DMBT1: variants seen among roughly 807,000 people sequenced by gnomAD.
DMBT1 encodes the protein deleted in malignant brain tumors 1.
Under a neutral mutation model 252.9 loss-of-function variants are expected in DMBT1, and 198 were observed. The observed-to-expected ratio is 0.78, with a 90% CI of 0.70 to 0.88. The LOEUF (loss-of-function observed/expected upper bound fraction) is 0.88, where lower values mean the gene tolerates loss of function less well. DMBT1 is among the 40% of genes least tolerant of loss of function. The probability of loss-of-function intolerance (pLI) is 0.00; values close to 1 mark genes in which losing one functional copy is unlikely to be tolerated. For missense variants in DMBT1, 2,432 were observed against 2,404.7 expected (o/e 1.01, Z -0.24); for synonymous variants, 990 against 942.7 (o/e 1.05, Z -0.92).
chr10:122,566,041 T>C, intron 2 of DMBT1, 45 bp downstream of exon 2: 1 of 1,605,490 alleles, frequency 6.2e-7, no homozygotes, highest in East Asian at 2.2e-5. Flanking sequence ...GGTTGGCCAG[T>C]TCTCCTCTGC....
chr10:122,600,886 G>A (rs982775788), intron 27 of DMBT1, 105 bp from the exon 28 acceptor site: 2 of 642,800 alleles, frequency 3.1e-6, no homozygotes, highest in Non-Finnish European at 5.6e-6. Context: ...GCAGGAACAG[G>A]AAGTGGAATT....
intron 24 of DMBT1, among the ~76,000 whole-genome samples, chr10:122,597,730 C>T (rs1431551163): frequency 6.6e-6 from 1 of 152,154 alleles, no homozygotes; most frequent in African/African-American, 2.4e-5. Context: ...CAGGCTAACC[C>T]TTTGTGACTG....
intron 8 of DMBT1, 42 bp from the exon 9 acceptor site, chr10:122,578,676 T>G (rs1425233406): frequency 1.3e-6 from 2 of 1,567,322 alleles, no homozygotes; most frequent in Admixed American, 3.6e-5. Context: ...CCTTTTTCCC[T>G]TCAAGTCCAA....
At position 122,618,194 on chromosome 10, in the gene DMBT1, A is replaced by T; in HGVS notation, c.5069A>T (p.Asn1690Ile). 6.2e-7 allele frequency: 1 copy of T among 1,613,880 alleles called. No individual in the cohort carries two copies. The highest frequency in any genetic ancestry group is 8.5e-7 in the Non-Finnish European group (1 of 1,179,830). ...GCGWAMSAPG[N>I]AQFGQGSGPI... is the part of the protein sequence containing the mutation. ...GGCTGGGCCATGTCAGCCCCAGGAA[A>T]TGCCCAGTTTGGCCAGGGCTCAGGA... The change falls in exon 41 of 56, where the codon AAT becomes ATT. Residue 1690 changes from asparagine to isoleucine, a missense_variant. Asn to Ile is a moderately radical substitution (Grantham distance 149). Coordinates refer to ENST00000338354, the MANE Select transcript of DMBT1 (RefSeq NM_001377530.1).
Position 122,640,334 on chromosome 10 carries a change from GT to G in DMBT1, c.7239del (p.Gln2414ArgfsTer11). 6.2e-7 allele frequency: 1 copy of G among 1,614,032 alleles called. No individual in the cohort carries two copies. Among genetic ancestry groups the G allele is most frequent in the Non-Finnish European group, 8.5e-7 (1 of 1,179,908 alleles). ...YYVDLNQDLY[V>X]QAEILHSDAV... ...CGTGGACCTGAACCAGGACTTGTAC[GT>G]TCAGGCTGAAATCCTCCATTCTGAT... On this transcript the variant is annotated frameshift_variant, in exon 55 of 56. Transcript: ENST00000338354. LOFTEE classifies it high-confidence loss of function.
intron 55 of DMBT1, among the ~76,000 whole-genome samples, chr10:122,642,854 A>C (rs1844810207): frequency 6.6e-6 from 1 of 152,128 alleles, no homozygotes. Context: ...GCCTCAACCC[A>C]CTGTGCAGTA....
rs201051943 is a variant in DMBT1 at position 122,629,842 on chromosome 10, C to A, written c.5671C>A (p.Pro1891Thr). ...GATGTCCCCTCTCTCCTCTCTAGGA[C>A]CCTCTTCAAATTGTGGTGGCTTCTT... ...WHPTTTTTAR[P>T]SSNCGGFLFY... The change falls in exon 47 of 56, where the codon CCC (proline) becomes ACC (threonine). Residue 1891 changes from proline (P) to threonine (T), a missense_variant and splice_region_variant. By Grantham distance (38) the Pro-to-Thr change is conservative (BLOSUM62 -1). Transcript: ENST00000338354. 6.2e-7 allele frequency: 1 copy of A among 1,613,862 alleles called. No homozygotes were observed. Among genetic ancestry groups the A allele is most frequent in the South Asian group, 1.1e-5 (1 of 91,066 alleles).
intron 44 of DMBT1, among the ~76,000 whole-genome samples, chr10:122,622,218 A>C (rs568270285): frequency 6.6e-6 from 1 of 152,324 alleles, no homozygotes; most frequent in African/African-American, 2.4e-5. Flanking sequence ...AAGCACTAGC[A>C]TTCAGCAGGT....
At chr10:122,634,125 G>A (rs570896049) in intron 52 of DMBT1, among the ~76,000 whole-genome samples, 10 of 152,230 alleles carry the variant, frequency 6.6e-5, no homozygotes, top group Admixed American at 2.6e-4. Flanking sequence ...GGAACAAAAC[G>A]AGACCCTGTC....
Position 122,643,344 on chromosome 10 carries a change from C to T in DMBT1, c.7575C>T (p.Val2525=), listed in dbSNP as rs1166546103. 1.2e-6 allele frequency: 2 copies of T among 1,613,830 alleles called. No individual in the cohort carries two copies. The highest frequency in any genetic ancestry group is 8.5e-7 in the Non-Finnish European group (1 of 1,179,892). The stretch of plus-strand genomic sequence containing the variant: ...CCTACCAGGAAAAGGTGGACGTCGT[C>T]CTGGGTCCCATCCAGCTGCAGACCC... ...VGSYQEKVDV[V]LGPIQLQTPP... Residue 2525 remains valine (V), a synonymous_variant, in exon 56 of 56, where the codon GTC becomes GTT. Transcript: ENST00000338354.
At position 122,633,311 on chromosome 10, in the gene DMBT1, A is replaced by G; in HGVS notation, c.6518A>G (p.Tyr2173Cys). The change falls in exon 52 of 56, where the codon TAC (tyrosine) becomes TGC (cysteine). Residue 2173 changes from tyrosine to cysteine, a missense_variant. Physicochemically the swap from Tyr to Cys is radical, Grantham distance 194 (BLOSUM62 -2). Around this residue, in one of 3 missense-constraint regions of DMBT1, gnomAD observed 1,162 missense variants for 1,169.0 expected, o/e 0.99. Coordinates refer to ENST00000338354, the MANE Select transcript of DMBT1 (RefSeq NM_001377530.1). ...TGGGACATTGAGGTGCAAAACAACT[A>G]CCGTGTGACTGTGATCTTCAGAGAT... ...CVWDIEVQNNYRVTVIFRDVQ... is the reference protein window; with the variant it reads ...CVWDIEVQNNCRVTVIFRDVQ... 1 of 1,613,966 alleles carries G rather than the reference A, an allele frequency of 6.2e-7. No individual in the cohort carries two copies.
At chr10:122,619,813 C>T (rs1253099598) in intron 42 of DMBT1, among the ~76,000 whole-genome samples, 1 of 152,240 alleles carries the variant, frequency 6.6e-6, no homozygotes, top group Non-Finnish European at 1.5e-5. Context: ...GCCATATCTG[C>T]ATCCAGAAAA....
intron 45 of DMBT1, 49 bp from the exon 46 acceptor site, chr10:122,625,884 T>G (rs746659631): frequency 2.2e-5 from 33 of 1,489,710 alleles, no homozygotes; most frequent in Non-Finnish European, 2.7e-5. Context: ...TACTATGGAA[T>G]GGAAAAATTA....
At chr10:122,641,555 C>T (rs1844535616) in intron 55 of DMBT1, among the ~76,000 whole-genome samples, 1 of 152,184 alleles carries the variant, frequency 6.6e-6, no homozygotes. Context: ...ATGCAGCTTG[C>T]TCAATTCACA....
intron 20 of DMBT1, among the ~76,000 whole-genome samples, chr10:122,593,103 G>A (rs142792061): frequency 0.018 from 2,617 of 148,994 alleles, 256 homozygotes; most frequent in Middle Eastern, 0.041. Flanking sequence ...GTTGTGTGAG[G>A]TTGGAGTCCT....
chr10:122,599,696 C>A (rs1384836334), intron 26 of DMBT1, among the ~76,000 whole-genome samples: 1 of 152,200 alleles, frequency 6.6e-6, no homozygotes, highest in African/African-American at 2.4e-5. Flanking sequence ...GCCGGCCAGG[C>A]ATGGCCTTGT....
chr10:122,584,422 A>C (rs1271029357), intron 14 of DMBT1, 71 bp downstream of exon 14: 1 of 317,578 alleles, frequency 3.1e-6, no homozygotes, highest in African/African-American at 2.2e-5. Flanking sequence ...TGCACTCCAC[A>C]GAGCCCTCGT....
At chr10:122,565,274 G>A (rs1413408610) in intron 1 of DMBT1, among the ~76,000 whole-genome samples, 4 of 152,042 alleles carry the variant, frequency 2.6e-5, no homozygotes, top group Non-Finnish European at 5.9e-5. Context: ...AGGATCTAAT[G>A]GATCCATATG....
chr10:122,631,063 C>A lies in DMBT1; in HGVS notation c.6128C>A (p.Ser2043Tyr), dbSNP rs960655197. The part of the protein sequence containing the change: ...GGTWGTVCDD[S>Y]WTIQEAEVVC... ...ACCTGGGGGACAGTTTGTGATGACT[C>A]CTGGACCATTCAGGAAGCTGAGGTG... Residue 2043 changes from serine (S) to tyrosine (Y), a missense_variant, in exon 49 of 56, where the codon TCC (serine) becomes TAC (tyrosine). Physicochemically the swap from Ser to Tyr is moderately radical, Grantham distance 144. Transcript: ENST00000338354. The A allele has an allele frequency of 1.2e-5, 19 of 1,613,846 alleles. 1 individual carries two copies. The highest frequency in any genetic ancestry group is 1.5e-5 in the Non-Finnish European group (18 of 1,179,892).
Sources: allele counts gnomAD v4.1 joint callset (sites outside exome capture counted in the v4.1 genomes callset), GRCh38; gene constraint gnomAD v4.1.1; regional missense constraint gnomAD v4.1.1; transcripts MANE v1.5; gene names NCBI Gene and HGNC (gene_info 2026-07-23, HGNC 2026-07-21).